Variants in SNTG2 observed in about 807,000 individuals in gnomAD.
SNTG2 encodes the protein syntrophin gamma 2, also known as gamma-2-syntrophin.
In SNTG2, 74 loss-of-function variants were observed where a neutral mutation model predicts 70.9. That is an observed-to-expected ratio of 1.04 (90% CI 0.86 to 1.27). The LOEUF is 1.27. SNTG2 is among the 50% of genes most tolerant of loss of function. SNTG2 has a pLI of 0.00. For synonymous variants in SNTG2, 278 were observed against 273.8 expected, an observed-to-expected ratio of 1.02 and a Z score of -0.15; for missense variants, 717 against 690.7, an observed-to-expected ratio of 1.04 and a Z score of -0.43.
At chr2:1,336,301 TA>T (rs1659813568) in intron 16 of SNTG2, among the ~76,000 whole-genome samples, 1 of 152,224 alleles carries the variant, frequency 6.6e-6, no homozygotes, top group Non-Finnish European at 1.5e-5. Context: ...CCGCCCATTT[TA>T]AAATCAGGTT....
chr2:1,117,505 C>T (rs958222107), intron 4 of SNTG2, among the ~76,000 whole-genome samples: 5 of 152,144 alleles, frequency 3.3e-5, no homozygotes, highest in Middle Eastern at 3.2e-3. Flanking sequence ...AGGGCAGGCA[C>T]GGCCTCCTGC....
At position 1,155,178 on chromosome 2, in the gene SNTG2, C is replaced by CACACACA. The variant is rs72116428; in HGVS notation, c.412-10370_412-10369insACACACA. On this transcript the variant is annotated intron_variant, in intron 6 of 16. Transcript: ENST00000308624. ...ACACACACACACGTAGACCCCCCCC[C>CACACACA]CACACACATATATAGACCACACACA... is the stretch of plus-strand genomic sequence containing the variant. 4.6e-3 allele frequency among the ~76,000 whole-genome samples: 689 copies of CACACACA among 150,368 alleles called. 9 individuals are homozygous for CACACACA. Among genetic ancestry groups the CACACACA allele is most frequent in the Admixed American group, 9.4e-3 (142 of 15,160 alleles).
chr2:1,092,515 C>A (rs1391838474), intron 2 of SNTG2, among the ~76,000 whole-genome samples: 2 of 152,204 alleles, frequency 1.3e-5, no homozygotes, highest in East Asian at 3.9e-4. Flanking sequence ...ACCTGTAGAA[C>A]TGATTGAAAT....
intron 14 of SNTG2, among the ~76,000 whole-genome samples, chr2:1,272,679 TAGAAAGGACACCCCAGGGAGCGGGTGC>T (rs1558621250): frequency 2.8e-3 from 296 of 105,128 alleles, no homozygotes; most frequent in Middle Eastern, 6.1e-3. Context: ...GGAGCGGGTG[TAGAAAGGACACCCCAGGGAGCGGGTGC>T]AGAAAGGACA....
At chr2:1,332,048 G>A (rs1057341649) in intron 16 of SNTG2, among the ~76,000 whole-genome samples, 2 of 152,106 alleles carry the variant, frequency 1.3e-5, no homozygotes, top group Middle Eastern at 3.2e-3. Context: ...GCGCTGCAAC[G>A]TCTCATCTCC....
chr2:1,092,699 A>C (rs6548187), intron 2 of SNTG2, among the ~76,000 whole-genome samples: 150,621 of 152,300 alleles, frequency 0.99, 74,507 homozygotes, highest in East Asian at 1. Flanking sequence ...AATAAGAAAT[A>C]TGATCTTATA....
intron 1 of SNTG2, among the ~76,000 whole-genome samples, chr2:988,006 C>G (rs769876321): frequency 8.5e-4 from 129 of 152,232 alleles, no homozygotes; most frequent in Admixed American, 1.8e-3. Context: ...TGCCCTCAGC[C>G]TCGCCCTGCT....
intron 8 of SNTG2, among the ~76,000 whole-genome samples, chr2:1,194,768 T>A (rs1185531570): frequency 6.6e-6 from 1 of 152,190 alleles, no homozygotes; most frequent in Non-Finnish European, 1.5e-5. Flanking sequence ...GGGGTAGATG[T>A]GCAGAACGTG....
rs530458532 is a variant in SNTG2, at chr2:1,320,453, A to G, written c.1488+4078A>G. Among the ~76,000 whole-genome samples, 5 of 149,690 alleles carry G rather than the reference A, an allele frequency of 3.3e-5. No individual in the cohort carries two copies. In the East Asian group the frequency reaches 9.9e-4, roughly 30 times the overall value. On this transcript the variant is annotated intron_variant, in intron 16 of 16. Transcript: ENST00000308624. ...AGGCTGAGGCAGGAGAATGGTGTGA[A>G]CCCGGGAGGCAGAGCTTACAGTGAG... is the stretch of plus-strand genomic sequence containing the variant.
At position 1,202,675 on chromosome 2, in the gene SNTG2, A is replaced by G. The variant is rs192310420; in HGVS notation, c.592-6428A>G. 3.4e-3 allele frequency among the ~76,000 whole-genome samples: 513 copies of G among 152,326 alleles called. 1 individual carries two copies. Among genetic ancestry groups the G allele is most frequent in the Non-Finnish European group, 5.4e-3 (370 of 68,004 alleles). On this transcript the variant is annotated intron_variant, in intron 8 of 16. Transcript: ENST00000308624. Reference sequence around the variant, plus strand: ...CAACATCCAACTGTATGGTGTATACAGAAAATATAATTTAAATATAAAGAT... The same window carrying G: ...CAACATCCAACTGTATGGTGTATACGGAAAATATAATTTAAATATAAAGAT...
At chr2:1,258,729 T>C (rs1413074501) in intron 12 of SNTG2, among the ~76,000 whole-genome samples, 1 of 152,212 alleles carries the variant, frequency 6.6e-6, no homozygotes, top group Non-Finnish European at 1.5e-5. Flanking sequence ...AACTTAGAGA[T>C]TAAATATCTG....
chr2:1,328,289 G>A (rs974229345), intron 16 of SNTG2, among the ~76,000 whole-genome samples: 12 of 152,242 alleles, frequency 7.9e-5, no homozygotes, highest in Non-Finnish European at 1.8e-4. Flanking sequence ...ATACAAACAT[G>A]TGGATAGACA....
intron 8 of SNTG2, among the ~76,000 whole-genome samples, chr2:1,208,045 C>T (rs1673757791): frequency 6.6e-6 from 1 of 152,194 alleles, no homozygotes; most frequent in Admixed American, 6.5e-5. Context: ...TTTCTCACGG[C>T]GCCCCTGCTT....
At chr2:1,230,359 C>T (rs1048426389) in intron 9 of SNTG2, among the ~76,000 whole-genome samples, 9 of 152,032 alleles carry the variant, frequency 5.9e-5, no homozygotes, top group African/African-American at 1.7e-4. Flanking sequence ...GTCTGGGGGC[C>T]GGGACTCAGG....
At chr2:1,068,884 G>A (rs1027475299) in intron 1 of SNTG2, among the ~76,000 whole-genome samples, 4 of 152,174 alleles carry the variant, frequency 2.6e-5, no homozygotes, top group Admixed American at 6.5e-5. Context: ...TGTCACTTAT[G>A]CGCCAGCTGT....
intron 14 of SNTG2, among the ~76,000 whole-genome samples, chr2:1,272,835 G>T (rs1315285856): frequency 6.6e-6 from 1 of 151,428 alleles, no homozygotes; most frequent in African/African-American, 2.4e-5. Context: ...TCCCAGGGAA[G>T]AGGTGTAGAA....
intron 1 of SNTG2, among the ~76,000 whole-genome samples, chr2:1,060,203 T>A (rs1662721527): frequency 6.6e-6 from 1 of 152,034 alleles, no homozygotes; most frequent in South Asian, 2.1e-4. Flanking sequence ...AATAAAACAT[T>A]TAAATTAAAG....
At chr2:1,269,299 T>G (rs74189003) in intron 14 of SNTG2, among the ~76,000 whole-genome samples, 30,974 of 152,002 alleles carry the variant, frequency 0.2, 4,194 homozygotes, top group African/African-American at 0.38. Context: ...AGCCTCAGAA[T>G]TAGAGACCAG....
At chr2:1,271,262 T>C (rs1231009215) in intron 14 of SNTG2, among the ~76,000 whole-genome samples, 1 of 152,192 alleles carries the variant, frequency 6.6e-6, no homozygotes, top group African/African-American at 2.4e-5. Context: ...TATTATGTTA[T>C]ATAATCTTCA....
Sources: gnomAD v4.1 joint callset for allele counts (sites outside exome capture counted in the v4.1 genomes callset) on GRCh38, gnomAD v4.1.1 for gene constraint, MANE v1.5 for transcripts, NCBI Gene and HGNC (gene_info 2026-07-23, HGNC 2026-07-21) for gene names.